The following COMMD1 variants were observed in gnomAD, a reference collection of about 807,000 sequenced individuals.
COMMD1 encodes copper metabolism domain containing 1.
COMMD1 carries 10 observed loss-of-function variants against 17.2 expected under a neutral mutation model. The observed-to-expected ratio is 0.58, with a 90% confidence interval of 0.36 to 0.99. The LOEUF (loss-of-function observed/expected upper bound fraction) is 0.99. Ranked by LOEUF, COMMD1 falls within the 50% of genes least tolerant of loss-of-function variation. COMMD1 has a pLI of 0.01. For missense variants in COMMD1, 270 were observed against 231.8 expected (o/e 1.17, Z -1.07); for synonymous variants, 97 against 91.6 (o/e 1.06, Z -0.34).
chr2:62,003,230 C>CAA (rs755266437), intron 2 of COMMD1, among the ~76,000 whole-genome samples: 28 of 129,740 alleles, frequency 2.2e-4, no homozygotes, highest in African/African-American at 6.3e-4. Flanking sequence ...GGCGCTGTCT[C>CAA]AAAAAAAAAA....
chr2:61,928,403 C>T (rs748550006), intron 1 of COMMD1, among the ~76,000 whole-genome samples: 13 of 151,992 alleles, frequency 8.6e-5, no homozygotes, highest in African/African-American at 1.7e-4. Context: ...TCAAGTGATC[C>T]GCCCACCTTA....
chr2:62,032,669 T>A (rs1669939735), intron 2 of COMMD1, among the ~76,000 whole-genome samples: 1 of 152,210 alleles, frequency 6.6e-6, no homozygotes, highest in South Asian at 2.1e-4. Context: ...ACCTCATACA[T>A]CCCTATAGAT....
intron 1 of COMMD1, among the ~76,000 whole-genome samples, chr2:61,957,402 A>G (rs1671227238): frequency 6.6e-6 from 1 of 152,290 alleles, no homozygotes; most frequent in Admixed American, 6.5e-5. Context: ...AAATATTGCC[A>G]TCTAATTTGA....
At chr2:62,066,320 A>G (rs1671038467) in intron 2 of COMMD1, among the ~76,000 whole-genome samples, 1 of 152,152 alleles carries the variant, frequency 6.6e-6, no homozygotes. Flanking sequence ...AGGGAGGAGA[A>G]GAGGGCAAAG....
At chr2:62,116,903 G>A (rs185728555) in intron 2 of COMMD1, among the ~76,000 whole-genome samples, 1 of 150,604 alleles carries the variant, frequency 6.6e-6, no homozygotes, top group Admixed American at 6.7e-5. Context: ...GCTGAGGCAA[G>A]AGAATCACTT....
intron 1 of COMMD1, among the ~76,000 whole-genome samples, chr2:61,973,924 A>C (rs137909600): frequency 6.6e-6 from 1 of 152,148 alleles, no homozygotes; most frequent in African/African-American, 2.4e-5. Flanking sequence ...GCCTCTTCCT[A>C]GTCAACCCCA....
intron 1 of COMMD1, among the ~76,000 whole-genome samples, chr2:61,957,127 CT>C (rs1171736390): frequency 7.6e-6 from 1 of 131,366 alleles, no homozygotes; most frequent in Non-Finnish European, 1.7e-5. Context: ...TGTGTAAAAT[CT>C]TTTTAAGAGA....
At chr2:62,132,414 G>T (rs560974887) in intron 2 of COMMD1, among the ~76,000 whole-genome samples, 20 of 152,170 alleles carry the variant, frequency 1.3e-4, no homozygotes, top group African/African-American at 3.1e-4. Context: ...AGAAAACCAG[G>T]TTATTTATTA....
chr2:62,119,026 A>T (rs570418309), intron 2 of COMMD1: 2 of 152,352 alleles, frequency 1.3e-5, no homozygotes, highest in African/African-American at 4.8e-5. Context: ...CCAGTACCTC[A>T]GAATGTAACT....
At chr2:61,990,615 G>T (rs1001132561) in intron 1 of COMMD1, among the ~76,000 whole-genome samples, 1 of 152,142 alleles carries the variant, frequency 6.6e-6, no homozygotes, top group Non-Finnish European at 1.5e-5. Flanking sequence ...CCATGTGGCC[G>T]GAGAGGCCTC....
At chr2:61,979,375 G>T (rs1265329193) in intron 1 of COMMD1, among the ~76,000 whole-genome samples, 2 of 152,104 alleles carry the variant, frequency 1.3e-5, no homozygotes, top group African/African-American at 2.4e-5. Flanking sequence ...TACTCAGGAG[G>T]CTGAGGCAGG....
intron 1 of COMMD1, among the ~76,000 whole-genome samples, chr2:61,907,871 A>C (rs1669811945): frequency 6.6e-6 from 1 of 151,932 alleles, no homozygotes; most frequent in Admixed American, 6.6e-5. Context: ...TTTTATTTTT[A>C]GTAGCGACAG....
chr2:61,989,501 C>T (rs934557137), intron 1 of COMMD1, among the ~76,000 whole-genome samples: 5 of 149,558 alleles, frequency 3.3e-5, no homozygotes, highest in Admixed American at 1.3e-4. Context: ...TTCACTCGGT[C>T]GCCCAGGCTG....
chr2:61,961,689 C>T lies in COMMD1; in HGVS notation c.181-39012C>T, dbSNP rs367558279. Among the ~76,000 whole-genome samples the T allele has an allele frequency of 4.6e-5, 7 of 152,078 alleles. No homozygotes were observed. In the East Asian group the frequency reaches 1.2e-3, roughly 25 times the overall value. Reference sequence around the variant, plus strand: ...AAACTCCTGTTATTCATGGTTGGACCTTCTTGCTTGATTTCTTTAATTTTC... The same window carrying T: ...AAACTCCTGTTATTCATGGTTGGACTTTCTTGCTTGATTTCTTTAATTTTC... On this transcript the variant is annotated intron_variant, in intron 1 of 2. Transcript: ENST00000311832.
chr2:61,953,338 A>G (rs1490467645), intron 1 of COMMD1, among the ~76,000 whole-genome samples: 1 of 148,338 alleles, frequency 6.7e-6, no homozygotes, highest in East Asian at 2.0e-4. Context: ...TGAGAGTTTT[A>G]GGATTATTTA....
chr2:61,970,144 G>C (rs1671608986), intron 1 of COMMD1, among the ~76,000 whole-genome samples: 1 of 151,810 alleles, frequency 6.6e-6, no homozygotes, highest in African/African-American at 2.4e-5. Flanking sequence ...TGTAATCTTA[G>C]CTACTTGGGA....
At chr2:61,928,271 G>C (rs1572970981) in intron 1 of COMMD1, among the ~76,000 whole-genome samples, 1 of 151,566 alleles carries the variant, frequency 6.6e-6, no homozygotes, top group South Asian at 2.1e-4. Context: ...CACAATTCTC[G>C]TGCCTCAGCC....
intron 1 of COMMD1, among the ~76,000 whole-genome samples, chr2:61,999,440 A>T (rs1404618640): frequency 1.3e-5 from 2 of 152,242 alleles, no homozygotes; most frequent in Non-Finnish European, 2.9e-5. Flanking sequence ...CAAAGCTAAG[A>T]TAAATACATT....
intron 1 of COMMD1, among the ~76,000 whole-genome samples, chr2:61,975,118 C>CTTTTTTTTTTTTTTTTTT: frequency 7.9e-4 from 63 of 80,158 alleles, no homozygotes; most frequent in Non-Finnish European, 1.1e-3. Context: ...TCATTTCTTT[C>CTTTTTTTTTTTTTTTTTT]TTTTTTTTTT....
Sources: gnomAD v4.1 joint callset for allele counts (sites outside exome capture counted in the v4.1 genomes callset) on GRCh38, gnomAD v4.1.1 for gene constraint, MANE v1.5 for transcripts, NCBI Gene and HGNC (gene_info 2026-07-23, HGNC 2026-07-21) for gene names.